EPHA5: variants seen among roughly 807,000 people sequenced by gnomAD.
EPHA5 encodes the protein EPH receptor A5, also known as ephrin type-A receptor 5.
EPHA5 carries 60 observed loss-of-function variants against 105.0 expected under a neutral mutation model. The ratio of observed to expected loss-of-function variants is 0.57; its 90% CI spans 0.46 to 0.71. EPHA5 has a LOEUF of 0.71. Ranked by LOEUF, EPHA5 falls within the 30% of genes least tolerant of loss-of-function variation. The pLI is 0.00. For synonymous variants in EPHA5, 513 were observed against 449.1 expected (o/e 1.14, Z -1.80); for missense variants, 1,218 against 1,274.7 (o/e 0.96, Z 0.68).
At chr4:65,465,422 T>A (rs1200493791) in intron 5 of EPHA5, among the ~76,000 whole-genome samples, 2 of 133,354 alleles carry the variant, frequency 1.5e-5, no homozygotes, top group African/African-American at 5.8e-5. Flanking sequence ...TGAGACTCCA[T>A]CCCCCCACCC....
intron 8 of EPHA5, among the ~76,000 whole-genome samples, chr4:65,375,812 C>T (rs1718946407): frequency 6.7e-6 from 1 of 149,748 alleles, no homozygotes; most frequent in Non-Finnish European, 1.5e-5. Flanking sequence ...CACACACACA[C>T]ACTGTAAAGC....
intron 1 of EPHA5, among the ~76,000 whole-genome samples, chr4:65,666,528 T>A (rs898797835): frequency 1.3e-5 from 2 of 152,224 alleles, no homozygotes; most frequent in Admixed American, 1.3e-4. Flanking sequence ...TAAATTTATT[T>A]AAATTTTCAC....
intron 8 of EPHA5, among the ~76,000 whole-genome samples, chr4:65,368,524 C>A (rs1017539607): frequency 6.6e-6 from 1 of 152,036 alleles, no homozygotes; most frequent in African/African-American, 2.4e-5. Context: ...TACGACCCAT[C>A]TCTTTCTTTT....
intron 5 of EPHA5, among the ~76,000 whole-genome samples, chr4:65,481,882 A>G (rs1297427293): frequency 6.6e-6 from 1 of 152,220 alleles, no homozygotes; most frequent in Non-Finnish European, 1.5e-5. Context: ...GTTGACCAAA[A>G]TCTGAACTGA....
intron 15 of EPHA5, among the ~76,000 whole-genome samples, chr4:65,334,563 G>A (rs190999294): frequency 6.6e-6 from 1 of 151,684 alleles, no homozygotes. Flanking sequence ...GGTAGGGATG[G>A]AGAAAGGGCG....
At chr4:65,658,123 G>T (rs1749233175) in intron 1 of EPHA5, among the ~76,000 whole-genome samples, 1 of 151,982 alleles carries the variant, frequency 6.6e-6, no homozygotes, top group Non-Finnish European at 1.5e-5. Context: ...GCAACACCTA[G>T]AATAAAAATG....
At chr4:65,408,756 T>G (rs1429019396) in intron 7 of EPHA5, among the ~76,000 whole-genome samples, 1 of 151,828 alleles carries the variant, frequency 6.6e-6, no homozygotes, top group Non-Finnish European at 1.5e-5. Flanking sequence ...TGTAAACTAG[T>G]TCAACCATTG....
intron 3 of EPHA5, among the ~76,000 whole-genome samples, chr4:65,531,283 C>T (rs1046927816): frequency 9.3e-5 from 14 of 150,848 alleles, no homozygotes; most frequent in African/African-American, 2.9e-4. Flanking sequence ...ATGATCCACC[C>T]GCCTCGGCCT....
rs1244868620 is a variant in EPHA5 at position 65,551,595 on chromosome 4, A to C, written c.910+50046T>G. Among the ~76,000 whole-genome samples, 5 of 152,226 alleles carry C rather than the reference A, an allele frequency of 3.3e-5. No individual in the cohort carries two copies. In the East Asian group the frequency reaches 7.7e-4, roughly 24 times the overall value. On this transcript the variant is annotated intron_variant, in intron 3 of 16. Coordinates refer to ENST00000613740, the MANE Select transcript of EPHA5 (RefSeq NM_001281766.3). ...CACTGAATGTGTGCATATCATATAC[A>C]GCACTTACATTTTTATTCTATGTCA...
chr4:65,666,668 G>A (rs963839619), intron 1 of EPHA5, among the ~76,000 whole-genome samples: 1 of 152,024 alleles, frequency 6.6e-6, no homozygotes, highest in Admixed American at 6.6e-5. Context: ...CCTTTCACAT[G>A]TAGTTTATGA....
At chr4:65,348,698 AAAATATATATGTGTGTGT>A (rs1560437979) in intron 13 of EPHA5, among the ~76,000 whole-genome samples, 4 of 19,852 alleles carry the variant, frequency 2.0e-4, no homozygotes, top group East Asian at 4.0e-3. Context: ...ATATATATAT[AAAATATATATGTGTGTGT>A]ATATATATGT....
intron 2 of EPHA5, among the ~76,000 whole-genome samples, chr4:65,610,241 C>T (rs1370312172): frequency 6.6e-6 from 1 of 152,010 alleles, no homozygotes; most frequent in Non-Finnish European, 1.5e-5. Context: ...AACATGGATG[C>T]AGTTGGAGGC....
intron 7 of EPHA5, 75 bp from the exon 8 acceptor site, chr4:65,404,554 A>G (rs1211703006): frequency 1.6e-6 from 2 of 1,274,452 alleles, no homozygotes; most frequent in Non-Finnish European, 2.3e-6. Flanking sequence ...TGCTTAATAG[A>G]CAGTAATCAA....
chr4:65,342,680 ACAATATACATAAACATATAAG>A (rs1025537628), intron 14 of EPHA5, among the ~76,000 whole-genome samples: 6 of 151,896 alleles, frequency 4.0e-5, no homozygotes, highest in Non-Finnish European at 5.9e-5. Flanking sequence ...ATCAACATAT[ACAATATACATAAACATATAAG>A]CAATATACAT....
At chr4:65,396,348 T>C (rs533935672) in intron 8 of EPHA5, among the ~76,000 whole-genome samples, 2 of 152,298 alleles carry the variant, frequency 1.3e-5, no homozygotes, top group Admixed American at 6.5e-5. Context: ...GACAGTTATA[T>C]AGAAGCCTTC....
At chr4:65,635,639 T>C (rs1195333813) in intron 2 of EPHA5, among the ~76,000 whole-genome samples, 1 of 152,036 alleles carries the variant, frequency 6.6e-6, no homozygotes, top group Non-Finnish European at 1.5e-5. Context: ...AGACATGAGA[T>C]CACAAACTGT....
chr4:65,423,285 T>C (rs1188002296), intron 5 of EPHA5, among the ~76,000 whole-genome samples: 2 of 152,150 alleles, frequency 1.3e-5, no homozygotes, highest in East Asian at 3.9e-4. Flanking sequence ...ATCACCGTTA[T>C]GTCACCTTTG....
intron 8 of EPHA5, among the ~76,000 whole-genome samples, chr4:65,372,323 TAA>T (rs1254912681): frequency 2.0e-5 from 3 of 151,948 alleles, no homozygotes; most frequent in Non-Finnish European, 2.9e-5. Flanking sequence ...ATATGAACAT[TAA>T]GTTATTAACA....
At chr4:65,544,502 A>G (rs1325983416) in intron 3 of EPHA5, among the ~76,000 whole-genome samples, 2 of 152,064 alleles carry the variant, frequency 1.3e-5, no homozygotes, top group Non-Finnish European at 2.9e-5. Flanking sequence ...ATAATTAGAG[A>G]AATGCAAATC....
Sources: gnomAD v4.1 joint callset for allele counts (sites outside exome capture counted in the v4.1 genomes callset) on GRCh38, gnomAD v4.1.1 for gene constraint, MANE v1.5 for transcripts, NCBI Gene and HGNC (gene_info 2026-07-23, HGNC 2026-07-21) for gene names.